Variants in KALRN observed in about 807,000 individuals in gnomAD.
KALRN encodes the protein kalirin RhoGEF kinase, also known as kalirin.
KALRN carries 70 observed loss-of-function variants against 353.7 expected under a neutral mutation model. The observed-to-expected ratio is 0.20, with a 90% CI of 0.16 to 0.24. The LOEUF is 0.24. Ranked by LOEUF, KALRN falls within the 10% of genes least tolerant of loss-of-function variation. The pLI is 1.00. For synonymous variants in KALRN, 1,391 were observed against 1,434.8 expected (o/e 0.97, Z 0.69); for missense variants, 2,791 against 3,756.7 (o/e 0.74, Z 6.72).
At chr3:124,439,394 G>A (rs917980384) in intron 18 of KALRN, among the ~76,000 whole-genome samples, 3 of 152,042 alleles carry the variant, frequency 2.0e-5, no homozygotes, top group South Asian at 2.1e-4. Flanking sequence ...ATAGTTAGGC[G>A]ATCAGGATAC....
chr3:124,133,352 C>A, intron 1 of KALRN, among the ~76,000 whole-genome samples: 1 of 152,278 alleles, frequency 6.6e-6, no homozygotes, highest in East Asian at 1.9e-4. Flanking sequence ...CAAAAAAACA[C>A]AACACAAGGT....
intron 34 of KALRN, among the ~76,000 whole-genome samples, chr3:124,604,442 C>G (rs1177961080): frequency 6.6e-6 from 1 of 152,038 alleles, no homozygotes; most frequent in Non-Finnish European, 1.5e-5. Context: ...TCTTTATAAC[C>G]TTGTGATCAT....
At chr3:124,563,492 C>G (rs1392884773) in intron 34 of KALRN, among the ~76,000 whole-genome samples, 1 of 152,148 alleles carries the variant, frequency 6.6e-6, no homozygotes, top group Non-Finnish European at 1.5e-5. Context: ...CTCTCTGACC[C>G]CCGACCAAGT....
chr3:124,392,753 C>T (rs537509692), intron 11 of KALRN, among the ~76,000 whole-genome samples: 2 of 149,340 alleles, frequency 1.3e-5, no homozygotes, highest in East Asian at 2.0e-4. Flanking sequence ...TACAGGTGTA[C>T]GGCATCATGC....
intron 34 of KALRN, among the ~76,000 whole-genome samples, chr3:124,608,627 G>C (rs2077608770): frequency 6.6e-6 from 1 of 152,148 alleles, no homozygotes; most frequent in Admixed American, 6.5e-5. Context: ...TGCCTTTTCT[G>C]CTGCAGGCCT....
intron 48 of KALRN, among the ~76,000 whole-genome samples, chr3:124,674,155 G>T (rs771233327): frequency 1.3e-5 from 2 of 152,088 alleles, no homozygotes; most frequent in African/African-American, 2.4e-5. Flanking sequence ...ATTCACCCTG[G>T]ATGATAATAT....
intron 3 of KALRN, among the ~76,000 whole-genome samples, chr3:124,253,776 C>A (rs1416047844): frequency 6.6e-6 from 1 of 152,196 alleles, no homozygotes; most frequent in African/African-American, 2.4e-5. Flanking sequence ...CACTAGGATT[C>A]TGACATCTTC....
At chr3:124,698,563 A>G (rs559103228) in intron 55 of KALRN, among the ~76,000 whole-genome samples, 2 of 152,340 alleles carry the variant, frequency 1.3e-5, no homozygotes, top group Admixed American at 1.3e-4. Flanking sequence ...AGGGATGATC[A>G]ATCCCATTTT....
At chr3:124,537,106 A>G (rs1250837523) in intron 33 of KALRN, among the ~76,000 whole-genome samples, 1 of 152,130 alleles carries the variant, frequency 6.6e-6, no homozygotes, top group African/African-American at 2.4e-5. Context: ...CAGTGGCACA[A>G]TCTCGGCTCA....
chr3:124,452,659 A>G (rs1375506016), intron 21 of KALRN, among the ~76,000 whole-genome samples: 1 of 152,094 alleles, frequency 6.6e-6, no homozygotes, highest in Non-Finnish European at 1.5e-5. Flanking sequence ...GGGCTGCTAC[A>G]AAGGTAGGTG....
At chr3:124,684,714 A>G (rs919829262) in intron 51 of KALRN, among the ~76,000 whole-genome samples, 3 of 152,196 alleles carry the variant, frequency 2.0e-5, no homozygotes, top group African/African-American at 7.2e-5. Context: ...ATCCCGACCG[A>G]AGAGGACGTG....
intron 39 of KALRN, among the ~76,000 whole-genome samples, chr3:124,656,200 G>A (rs1273654600): frequency 6.6e-6 from 1 of 151,928 alleles, no homozygotes; most frequent in African/African-American, 2.4e-5. Flanking sequence ...AGCTCTGTAG[G>A]GATTCACTTA....
intron 5 of KALRN, among the ~76,000 whole-genome samples, chr3:124,285,242 A>G (rs2075722889): frequency 6.6e-6 from 1 of 151,890 alleles, no homozygotes; most frequent in Admixed American, 6.6e-5. Flanking sequence ...TCAATATACT[A>G]CTCTAGAAGG....
At position 124,321,821 on chromosome 3, in the gene KALRN, C is replaced by T. The variant is rs140592821; in HGVS notation, c.1093-4159C>T. The stretch of plus-strand genomic sequence containing the variant: ...AGGTAAGATGGGGCAGATAATGCAA[C>T]GGACCATGCTGCAGGTGCATTGCCT... On this transcript the variant is annotated intron_variant, in intron 6 of 59. Transcript: ENST00000682506. Among the ~76,000 whole-genome samples the T allele has an allele frequency of 2.2e-4, 33 of 152,286 alleles. No individual in the cohort carries two copies. The East Asian group carries it at 5.4e-3, about 25-fold the overall frequency.
chr3:124,176,594 C>A (rs1404076827), intron 1 of KALRN, among the ~76,000 whole-genome samples: 1 of 152,104 alleles, frequency 6.6e-6, no homozygotes, highest in Admixed American at 6.5e-5. Flanking sequence ...TGGAGGGAGA[C>A]AAGCAGGAGA....
At chr3:124,427,861 T>G (rs1335948218) in intron 15 of KALRN, among the ~76,000 whole-genome samples, 1 of 152,250 alleles carries the variant, frequency 6.6e-6, no homozygotes, top group Non-Finnish European at 1.5e-5. Flanking sequence ...AGGTAAATTG[T>G]TGCCTAGAAT....
At chr3:124,551,791 G>C (rs1195388765) in intron 33 of KALRN, among the ~76,000 whole-genome samples, 1 of 152,156 alleles carries the variant, frequency 6.6e-6, no homozygotes, top group Non-Finnish European at 1.5e-5. Flanking sequence ...TGTCTCCTTA[G>C]AGACTGTAAG....
At chr3:124,177,182 T>G (rs2072897544) in intron 1 of KALRN, among the ~76,000 whole-genome samples, 1 of 152,220 alleles carries the variant, frequency 6.6e-6, no homozygotes, top group Non-Finnish European at 1.5e-5. Flanking sequence ...TCACAGGGCC[T>G]GGGAGTCTGA....
intron 33 of KALRN, among the ~76,000 whole-genome samples, chr3:124,515,854 G>A (rs2066484158): frequency 6.6e-6 from 1 of 152,270 alleles, no homozygotes. Flanking sequence ...ATGCATTGAT[G>A]TTTAGTTTAA....
Sources: allele counts gnomAD v4.1 joint callset (sites outside exome capture counted in the v4.1 genomes callset), GRCh38; gene constraint gnomAD v4.1.1; transcripts MANE v1.5; gene names NCBI Gene and HGNC (gene_info 2026-07-23, HGNC 2026-07-21).